The following MACROD2 variants were observed in gnomAD, a reference collection of about 807,000 sequenced individuals.
MACROD2 encodes ADP-ribose glycohydrolase MACROD2.
In MACROD2, 36 loss-of-function variants were observed where a neutral mutation model predicts 70.4. The ratio of observed to expected loss-of-function variants is 0.51; its 90% CI spans 0.39 to 0.68. The LOEUF (loss-of-function observed/expected upper bound fraction) is 0.68. Ranked by LOEUF, MACROD2 falls within the 30% of genes least tolerant of loss-of-function variation. The pLI is 0.00. For synonymous variants in MACROD2, 172 were observed against 178.8 expected (o/e 0.96, Z 0.30); for missense variants, 496 against 538.4 (o/e 0.92, Z 0.78).
intron 5 of MACROD2, among the ~76,000 whole-genome samples, chr20:14,743,895 G>A (rs2071765752): frequency 6.6e-6 from 1 of 152,180 alleles, no homozygotes; most frequent in African/African-American, 2.4e-5. Context: ...GTCCAAGTCA[G>A]AGGAGAGGGT....
At chr20:14,787,654 G>GT (rs2123795595) in intron 5 of MACROD2, among the ~76,000 whole-genome samples, 1 of 152,162 alleles carries the variant, frequency 6.6e-6, no homozygotes, top group East Asian at 1.9e-4. Flanking sequence ...ACCACACCTC[G>GT]TTTTCCTTTT....
At chr20:15,019,146 C>T (rs183321543) in intron 5 of MACROD2, among the ~76,000 whole-genome samples, 26 of 152,224 alleles carry the variant, frequency 1.7e-4, no homozygotes, top group African/African-American at 6.3e-4. Flanking sequence ...TTCCCTTCTT[C>T]CTCTGAACAC....
intron 9 of MACROD2, among the ~76,000 whole-genome samples, chr20:15,877,999 A>C (rs912453360): frequency 6.6e-6 from 1 of 151,876 alleles, no homozygotes; most frequent in African/African-American, 2.4e-5. Context: ...GTAATAGCTC[A>C]TAAGGGTAAC....
chr20:14,595,413 A>G (rs1982060764), intron 4 of MACROD2, among the ~76,000 whole-genome samples: 1 of 152,174 alleles, frequency 6.6e-6, no homozygotes, highest in African/African-American at 2.4e-5. Flanking sequence ...CCCGCTGCAA[A>G]CAACGCGAAC....
At chr20:14,375,386 T>G (rs1469236716) in intron 3 of MACROD2, among the ~76,000 whole-genome samples, 1 of 152,214 alleles carries the variant, frequency 6.6e-6, no homozygotes, top group Non-Finnish European at 1.5e-5. Context: ...AGGCTTAGGT[T>G]AAGCTAAACA....
chr20:14,432,099 C>T (rs1167464322), intron 3 of MACROD2, among the ~76,000 whole-genome samples: 2 of 152,116 alleles, frequency 1.3e-5, no homozygotes, highest in Admixed American at 1.3e-4. Flanking sequence ...GCATAAAATT[C>T]AAATTCCTCC....
At chr20:14,190,940 C>A (rs1336702176) in intron 3 of MACROD2, among the ~76,000 whole-genome samples, 1 of 151,498 alleles carries the variant, frequency 6.6e-6, no homozygotes, top group Non-Finnish European at 1.5e-5. Flanking sequence ...ATCTCCTGAC[C>A]TCATGATCCG....
intron 8 of MACROD2, among the ~76,000 whole-genome samples, chr20:15,857,047 A>G (rs1018024439): frequency 6.6e-6 from 1 of 152,240 alleles, no homozygotes; most frequent in Admixed American, 6.5e-5. Flanking sequence ...TGAAGATTAC[A>G]TCAGCTGGAG....
chr20:15,021,110 ATGTGTATACACGTGTGTATACACATACG>A lies in MACROD2; in HGVS notation c.419-208824_419-208797del, dbSNP rs1568534559. ...TACACGTGTATGTGTATACACGTGTATGTGTATACACGTGTGTATACACATACGTGTGTGTATACACACACCTGTGTGT... is the reference window on the plus strand; with the variant it reads ...TACACGTGTATGTGTATACACGTGTATGTGTGTATACACACACCTGTGTGT... On this transcript the variant is annotated intron_variant, in intron 5 of 17. Transcript: ENST00000684519. Among the ~76,000 whole-genome samples the A allele has an allele frequency of 2.1e-4, 20 of 93,098 alleles. 1 individual carries two copies. Among genetic ancestry groups the A allele is most frequent in the African/African-American group, 3.6e-4 (8 of 21,938 alleles). 61.1% of individuals were successfully genotyped at this position (93,098 alleles called of 152,430 possible). A position where few individuals can be genotyped will look rare whatever the true frequency, so the allele number is the denominator to read the frequency against.
intron 3 of MACROD2, among the ~76,000 whole-genome samples, chr20:14,122,013 C>T (rs2054595644): frequency 6.6e-6 from 1 of 151,866 alleles, no homozygotes; most frequent in Non-Finnish European, 1.5e-5. Context: ...TAATTTCTTC[C>T]TGCTATATAA....
chr20:14,712,670 C>G (rs1568753297), intron 5 of MACROD2, among the ~76,000 whole-genome samples: 1 of 152,308 alleles, frequency 6.6e-6, no homozygotes, highest in East Asian at 1.9e-4. Flanking sequence ...GAAAGGCCAA[C>G]TTTTCCTGTT....
At chr20:14,837,136 G>T (rs2073038402) in intron 5 of MACROD2, among the ~76,000 whole-genome samples, 1 of 151,908 alleles carries the variant, frequency 6.6e-6, no homozygotes, top group Non-Finnish European at 1.5e-5. Flanking sequence ...AAAGACTAAA[G>T]TGGAAGTGTT....
At chr20:15,378,742 C>A (rs751392476) in intron 6 of MACROD2, among the ~76,000 whole-genome samples, 11 of 152,104 alleles carry the variant, frequency 7.2e-5, no homozygotes, top group Non-Finnish European at 1.6e-4. Flanking sequence ...ATATGTGAAA[C>A]TTTAGTGCAA....
chr20:15,696,684 T>G lies in MACROD2; in HGVS notation c.646-166061T>G, dbSNP rs1189131821. On this transcript the variant is annotated intron_variant, in intron 8 of 17. Transcript: ENST00000684519. ...GAATCTGTCTAGTCCTGGAGTTTTTTTTTTTTTTTTTTTGGTAATTTTTTA... is the reference window on the plus strand; with the variant it reads ...GAATCTGTCTAGTCCTGGAGTTTTTGTTTTTTTTTTTTTGGTAATTTTTTA... Among the ~76,000 whole-genome samples, 16 of 150,382 alleles carry G rather than the reference T, an allele frequency of 1.1e-4. No individual in the cohort carries two copies. In the East Asian group the frequency reaches 2.9e-3, roughly 28 times the overall value.
chr20:15,869,703 T>C (rs2064553374), intron 9 of MACROD2, among the ~76,000 whole-genome samples: 1 of 152,070 alleles, frequency 6.6e-6, no homozygotes, highest in African/African-American at 2.4e-5. Flanking sequence ...TTTGTGGTCT[T>C]AAATACAGAT....
At chr20:15,556,051 T>C (rs1371707799) in intron 8 of MACROD2, among the ~76,000 whole-genome samples, 2 of 152,076 alleles carry the variant, frequency 1.3e-5, no homozygotes, top group South Asian at 2.1e-4. Flanking sequence ...TCCTGACTTA[T>C]TCAGACCTGC....
chr20:14,639,576 C>G (rs928872125), intron 4 of MACROD2, among the ~76,000 whole-genome samples: 18 of 152,142 alleles, frequency 1.2e-4, no homozygotes, highest in Non-Finnish European at 5.9e-5. Flanking sequence ...GATACACATA[C>G]GCAATTCAGT....
chr20:14,591,020 C>T (rs567863157), intron 4 of MACROD2, among the ~76,000 whole-genome samples: 62 of 152,072 alleles, frequency 4.1e-4, no homozygotes, highest in African/African-American at 1.4e-3. Context: ...TGATGTTATA[C>T]GAAACTGTAT....
intron 8 of MACROD2, among the ~76,000 whole-genome samples, chr20:15,575,394 A>G (rs756895410): frequency 2.0e-5 from 3 of 152,068 alleles, no homozygotes; most frequent in Middle Eastern, 3.4e-3. Flanking sequence ...CCATGAATGA[A>G]TGAATACCAA....
Sources: gnomAD v4.1 joint callset for allele counts (sites outside exome capture counted in the v4.1 genomes callset) on GRCh38, gnomAD v4.1.1 for gene constraint, MANE v1.5 for transcripts, NCBI Gene and HGNC (gene_info 2026-07-23, HGNC 2026-07-21) for gene names.